TAF3: variants seen among roughly 807,000 people sequenced by gnomAD.
TAF3 encodes TATA-box binding protein associated factor 3, also known as transcription initiation factor TFIID subunit 3.
TAF3 carries 7 observed loss-of-function variants against 80.6 expected under a neutral mutation model. The observed-to-expected ratio is 0.09, with a 90% CI of 0.05 to 0.16. The LOEUF (loss-of-function observed/expected upper bound fraction) is 0.16, where lower values mean the gene tolerates loss of function less well. Ranked by LOEUF, TAF3 falls within the 10% of genes least tolerant of loss-of-function variation. The pLI is 1.00. For missense variants in TAF3, 921 were observed against 1,140.2 expected (o/e 0.81, Z 2.77); for synonymous variants, 444 against 446.1 (o/e 1.00, Z 0.06).
intron 2 of TAF3, among the ~76,000 whole-genome samples, chr10:7,900,452 A>G (rs954443489): frequency 4.6e-5 from 7 of 152,170 alleles, no homozygotes; most frequent in African/African-American, 1.7e-4. Context: ...CATGACTGCT[A>G]CTCCTCGGTG....
chr10:7,831,337 G>A (rs1304346092), intron 2 of TAF3, among the ~76,000 whole-genome samples: 2 of 151,684 alleles, frequency 1.3e-5, no homozygotes, highest in African/African-American at 2.4e-5. Context: ...CATACTTGAC[G>A]GATTTCATTC....
intron 2 of TAF3, among the ~76,000 whole-genome samples, chr10:7,841,005 A>G (rs2131114889): frequency 6.6e-6 from 1 of 152,138 alleles, no homozygotes; most frequent in Admixed American, 6.5e-5. Flanking sequence ...ACACGCTGCC[A>G]CACCTGGCTA....
At chr10:7,993,075 A>G (rs988534209) in intron 4 of TAF3, among the ~76,000 whole-genome samples, 1 of 152,192 alleles carries the variant, frequency 6.6e-6, no homozygotes, top group African/African-American at 2.4e-5. Flanking sequence ...ATTTGTCTCA[A>G]AAATATCTTC....
chr10:7,935,064 G>A (rs1308648266), intron 2 of TAF3, among the ~76,000 whole-genome samples: 3 of 152,072 alleles, frequency 2.0e-5, no homozygotes, highest in Non-Finnish European at 4.4e-5. Context: ...ATCACTTGAG[G>A]TCAGGAGTTC....
At chr10:7,901,467 G>A (rs1351585289) in intron 2 of TAF3, among the ~76,000 whole-genome samples, 1 of 152,176 alleles carries the variant, frequency 6.6e-6, no homozygotes, top group East Asian at 1.9e-4. Context: ...GCTATTTAAT[G>A]TTGTTTTTGA....
At chr10:7,938,692 A>AC (rs1837948718) in intron 2 of TAF3, among the ~76,000 whole-genome samples, 1 of 152,234 alleles carries the variant, frequency 6.6e-6, no homozygotes, top group Admixed American at 6.5e-5. Flanking sequence ...AACTGAGATA[A>AC]GAGAGGAGGA....
intron 4 of TAF3, among the ~76,000 whole-genome samples, chr10:8,006,620 G>A (rs1387858851): frequency 1.3e-5 from 2 of 152,224 alleles, no homozygotes; most frequent in Non-Finnish European, 2.9e-5. Context: ...AACAAATAGA[G>A]AACAATTCGA....
intron 2 of TAF3, among the ~76,000 whole-genome samples, chr10:7,861,372 C>T (rs191901265): frequency 2.6e-5 from 4 of 152,166 alleles, no homozygotes; most frequent in African/African-American, 7.2e-5. Flanking sequence ...TCCCAAAGTG[C>T]TGGGATTACA....
Position 7,824,497 on chromosome 10 carries a change from G to T in TAF3, c.346G>T (p.Asp116Tyr). The change falls in exon 2 of 7, where the codon GAT becomes TAT. Residue 116 changes from aspartate to tyrosine, a missense_variant. Around this residue, in one of 6 missense-constraint regions of TAF3, gnomAD observed 106 missense variants for 191.8 expected, o/e 0.55. Transcript: ENST00000344293. ...VLQFPQPGSKDAEERKEYIPD... is the reference protein window; with the variant it reads ...VLQFPQPGSKYAEERKEYIPD... ...TCAGTTTCCTCAACCTGGAAGTAAAGATGCAGAGGAAAGAAAAGAATACAT... is the reference window on the plus strand; with the variant it reads ...TCAGTTTCCTCAACCTGGAAGTAAATATGCAGAGGAAAGAAAAGAATACAT... 2 of 1,614,152 alleles carry T rather than the reference G, an allele frequency of 1.2e-6. No individual in the cohort carries two copies. Among genetic ancestry groups the T allele is most frequent in the Non-Finnish European group, 1.7e-6 (2 of 1,180,022 alleles).
intron 2 of TAF3, among the ~76,000 whole-genome samples, chr10:7,844,501 T>C (rs1244492): frequency 0.47 from 71,175 of 151,432 alleles, 16,968 homozygotes; most frequent in South Asian, 0.64. Flanking sequence ...CTCAGCCTCC[T>C]GAGTAGTTGG....
chr10:7,954,320 A>G (rs1310093175), intron 2 of TAF3, among the ~76,000 whole-genome samples: 3 of 137,778 alleles, frequency 2.2e-5, no homozygotes, highest in Admixed American at 7.4e-5. Flanking sequence ...TGCACTCCAT[A>G]GGCGAATGAG....
chr10:7,846,156 A>C (rs957013019), intron 2 of TAF3, among the ~76,000 whole-genome samples: 12 of 151,752 alleles, frequency 7.9e-5, no homozygotes, highest in Non-Finnish European at 1.5e-5. Flanking sequence ...ATGGGGTTTC[A>C]CCGTGTTAGC....
At chr10:7,831,799 G>A (rs1449271010) in intron 2 of TAF3, among the ~76,000 whole-genome samples, 2 of 152,138 alleles carry the variant, frequency 1.3e-5, no homozygotes, top group African/African-American at 4.8e-5. Context: ...TCTAGACTCA[G>A]CATGTATAGT....
intron 3 of TAF3, among the ~76,000 whole-genome samples, chr10:7,967,168 A>G (rs1468486500): frequency 6.6e-6 from 1 of 152,226 alleles, no homozygotes; most frequent in Non-Finnish European, 1.5e-5. Context: ...GTTACACTGC[A>G]GAGAGACTTC....
intron 2 of TAF3, among the ~76,000 whole-genome samples, chr10:7,843,764 G>A (rs1026260630): frequency 6.6e-6 from 1 of 150,962 alleles, no homozygotes; most frequent in African/African-American, 2.4e-5. Context: ...TTTCTCCCAT[G>A]TAATCAGACT....
intron 3 of TAF3, among the ~76,000 whole-genome samples, chr10:7,968,531 A>C (rs1350607120): frequency 3.3e-5 from 5 of 152,218 alleles, no homozygotes; most frequent in Admixed American, 2.6e-4. Flanking sequence ...CATCTTTAGA[A>C]ATAATGATAA....
intron 2 of TAF3, among the ~76,000 whole-genome samples, chr10:7,831,911 A>T (rs1836804504): frequency 6.6e-6 from 1 of 150,886 alleles, no homozygotes; most frequent in South Asian, 2.1e-4. Flanking sequence ...TTAATTATAA[A>T]ATTTCAGGTT....
intron 2 of TAF3, among the ~76,000 whole-genome samples, chr10:7,828,392 T>C (rs1017396001): frequency 2.6e-5 from 4 of 152,190 alleles, no homozygotes; most frequent in Admixed American, 2.6e-4. Context: ...GAGGAGATGA[T>C]GTGGAAGGAG....
At chr10:7,878,182 G>C (rs183056671) in intron 2 of TAF3, among the ~76,000 whole-genome samples, 2 of 152,244 alleles carry the variant, frequency 1.3e-5, no homozygotes, top group African/African-American at 2.4e-5. Context: ...ATTTTGTGAG[G>C]CCTAAAGCTT....
Sources: gnomAD v4.1 joint callset for allele counts (sites outside exome capture counted in the v4.1 genomes callset) on GRCh38, gnomAD v4.1.1 for gene constraint, gnomAD v4.1.1 regional missense constraint, MANE v1.5 for transcripts, NCBI Gene and HGNC (gene_info 2026-07-23, HGNC 2026-07-21) for gene names.